CD101: variants seen among roughly 807,000 people sequenced by gnomAD.
CD101 encodes immunoglobulin superfamily member 2.
In CD101, 76 loss-of-function variants were observed where a neutral mutation model predicts 98.2. The ratio of observed to expected loss-of-function variants is 0.77; its 90% CI spans 0.64 to 0.94. CD101 has a LOEUF of 0.94. Among genes scored for constraint, CD101 ranks in the 40% least tolerant of loss-of-function variants. CD101 has a pLI of 0.00. For missense variants in CD101, 1,145 were observed against 1,218.8 expected (o/e 0.94, Z 0.90); for synonymous variants, 471 against 472.7 (o/e 1.00, Z 0.05).
At chr1:117,013,922 G>A in intron 4 of CD101, 130 bp downstream of exon 4, 1 of 1,076,184 alleles carries the variant, frequency 9.3e-7, no homozygotes, top group African/African-American at 1.6e-5. Context: ...ATTGGAGGTG[G>A]AGTGGAGTGG....
In CD101 at chr1:117,005,065, C is replaced by A. The variant is rs1652452770; in HGVS notation, c.43+3205C>A. On this transcript the variant is annotated intron_variant, in intron 1 of 9. Transcript: ENST00000682167. This position sits in a 1 kb window ranked among gnomAD's most constrained non-coding sequence, Gnocchi z 4.4. Reference sequence around the variant, plus strand: ...AGGGCATTAATCCCATTCATGAGAGCACAGCCCTCATGACCTAATTGCTTC... The same window carrying A: ...AGGGCATTAATCCCATTCATGAGAGAACAGCCCTCATGACCTAATTGCTTC... 6.6e-6 allele frequency among the ~76,000 whole-genome samples: 1 copy of A among 152,076 alleles called. No homozygotes were observed. The highest frequency in any genetic ancestry group is 2.4e-5 in the African/African-American group (1 of 41,388).
rs370564335 is a variant in CD101 at position 117,018,185 on chromosome 1, C to A, written c.1642C>A (p.Arg548Ser). ...ESSLQVSLMS[R>S]QPQVMLTNTF... ...AAGTTTACAAGTTAGTCTGATGAGC[C>A]GTCAGCCGCAAGTGATGTTAACCAA... The change falls in exon 6 of 10, where the codon CGT (arginine) becomes AGT (serine). Residue 548 changes from arginine to serine, a missense_variant. Coordinates refer to ENST00000682167, the MANE Select transcript of CD101 (RefSeq NM_001256106.3). The surrounding 1 kb of genome is among the most constrained non-coding windows in gnomAD (Gnocchi z 4.3). 2 of 1,604,526 alleles carry A rather than the reference C, an allele frequency of 1.2e-6. No homozygotes were observed. Among genetic ancestry groups the A allele is most frequent in the Non-Finnish European group, 1.7e-6 (2 of 1,174,036 alleles).
Position 117,006,043 on chromosome 1 carries a change from A to G in CD101, c.44-3807A>G, listed in dbSNP as rs562374864. ...CATGGTCTTCAAATTTAGTATTTCT[A>G]AAATTAAATGCATTATATTTTCACT... On this transcript the variant is annotated intron_variant, in intron 1 of 9. Transcript: ENST00000682167. The surrounding 1 kb of genome is among the most constrained non-coding windows in gnomAD (Gnocchi z 4.4). Among the ~76,000 whole-genome samples, 4 of 152,252 alleles carry G rather than the reference A, an allele frequency of 2.6e-5. No homozygotes were observed. The highest frequency in any genetic ancestry group is 6.5e-5 in the Admixed American group (1 of 15,288).
chr1:117,026,088 A>G, intron 8 of CD101, 184 bp downstream of exon 8: 1 of 596,238 alleles, frequency 1.7e-6, no homozygotes, highest in South Asian at 2.6e-5. Context: ...TTGAACAAAC[A>G]AGGTCCACAT....
At position 117,033,916 on chromosome 1, in the gene CD101, A is replaced by G; in HGVS notation, c.2881A>G (p.Ile961Val). The change falls in exon 9 of 10, where the codon ATC becomes GTC. Residue 961 changes from isoleucine to valine, a missense_variant. By Grantham distance (29) the Ile-to-Val change is conservative (BLOSUM62 3). Coordinates refer to ENST00000682167, the MANE Select transcript of CD101 (RefSeq NM_001256106.3). This position sits in a 1 kb window ranked among gnomAD's most constrained non-coding sequence, Gnocchi z 4.8. ...GGCCCCTTTACTCTATTTCCTGTTC[A>G]TCTGTCCCTTCGTCCTGCTCCTCCT... The part of the protein sequence containing the change: ...SSAPLLYFLF[I>V]CPFVLLLLLL... 6.2e-7 allele frequency: 1 copy of G among 1,613,926 alleles called. No individual in the cohort carries two copies.
intron 6 of CD101, among the ~76,000 whole-genome samples, chr1:117,020,010 C>T (rs1348139223): frequency 6.6e-6 from 1 of 152,068 alleles, no homozygotes; most frequent in East Asian, 1.9e-4. Flanking sequence ...ACTGGCAGCT[C>T]CTCAATTGTC....
rs187628448 is a variant in CD101, at chr1:117,006,269, C to A, written c.44-3581C>A. ...TCTCCACAGTAGCTCAGTTATAGTA[C>A]CTTTACTTTTATCCCTATTGCTTTT... On this transcript the variant is annotated intron_variant, in intron 1 of 9. Transcript: ENST00000682167. The surrounding 1 kb of genome is among the most constrained non-coding windows in gnomAD (Gnocchi z 4.4). Among the ~76,000 whole-genome samples the A allele has an allele frequency of 1.3e-5, 2 of 152,262 alleles. No individual in the cohort carries two copies. Among genetic ancestry groups the A allele is most frequent in the African/African-American group, 4.8e-5 (2 of 41,548 alleles).
chr1:117,018,196 A>G lies in CD101; in HGVS notation c.1653A>G (p.Gln551=), dbSNP rs3736908. 477,916 of 1,607,924 alleles carry G rather than the reference A, an allele frequency of 0.3. 78,479 individuals carry two copies. Among genetic ancestry groups the G allele is most frequent in the East Asian group, 0.57 (25,643 of 44,722 alleles). ...TTAGTCTGATGAGCCGTCAGCCGCA[A>G]GTGATGTTAACCAACACCTTTGACC... ...LQVSLMSRQP[Q]VMLTNTFDLS... Residue 551 remains glutamine, a synonymous_variant, in exon 6 of 10, where the codon CAA becomes CAG. Transcript: ENST00000682167. This position sits in a 1 kb window ranked among gnomAD's most constrained non-coding sequence, Gnocchi z 4.3.
intron 8 of CD101, among the ~76,000 whole-genome samples, chr1:117,029,656 G>A (rs1654319015): frequency 6.6e-6 from 1 of 152,230 alleles, no homozygotes. Context: ...CTGAATCACT[G>A]TGTAATTGCA....
Position 117,023,267 on chromosome 1 carries a change from C to T in CD101, c.2428+1284C>T, listed in dbSNP as rs749795734. Among the ~76,000 whole-genome samples, 1 of 152,200 alleles carries T rather than the reference C, an allele frequency of 6.6e-6. No homozygotes were observed. The highest frequency in any genetic ancestry group is 2.4e-5 in the African/African-American group (1 of 41,450). ...AAACTCTTGACCACATGTGCATGGCCGTCTTCAGGAGGCAGCCACTGCTTA... is the reference window on the plus strand; with the variant it reads ...AAACTCTTGACCACATGTGCATGGCTGTCTTCAGGAGGCAGCCACTGCTTA... On this transcript the variant is annotated intron_variant, in intron 7 of 9. Coordinates refer to ENST00000682167, the MANE Select transcript of CD101 (RefSeq NM_001256106.3). The surrounding 1 kb of genome is among the most constrained non-coding windows in gnomAD (Gnocchi z 4.4).
intron 9 of CD101, 90 bp downstream of exon 9, chr1:117,034,224 G>A (rs934390405): frequency 8.5e-7 from 1 of 1,176,964 alleles, no homozygotes; most frequent in Non-Finnish European, 1.2e-6. Context: ...AGTTACCTAG[G>A]AATCAGAGGG....
chr1:117,017,122 C>T lies in CD101; in HGVS notation c.1261C>T (p.Gln421Ter), dbSNP rs1232132354. Residue 421 changes from glutamine to a stop codon, truncating the protein, a stop_gained, in exon 5 of 10, where the codon CAG becomes TAG. Transcript: ENST00000682167. LOFTEE classifies it high-confidence loss of function. ...TGTGGTCATGTCTACCAAGAACAAGCAGCAAGTTGTGTGGGAAGGAGAGAC... is the reference window on the plus strand; with the variant it reads ...TGTGGTCATGTCTACCAAGAACAAGTAGCAAGTTGTGTGGGAAGGAGAGAC... ...RSVVMSTKNK[Q>*]QVVWEGETLA... 1.2e-6 allele frequency: 2 copies of T among 1,613,952 alleles called. No individual in the cohort carries two copies. The highest frequency in any genetic ancestry group is 1.7e-6 in the Non-Finnish European group (2 of 1,179,966).
At chr1:117,036,000 A>T (rs918989132) in intron 9 of CD101, among the ~76,000 whole-genome samples, 168 bp from the exon 10 acceptor site, 3 of 152,142 alleles carry the variant, frequency 2.0e-5, no homozygotes, top group Middle Eastern at 3.2e-3. Flanking sequence ...TCTTCACCCC[A>T]TCCCTCCTCT....
intron 7 of CD101, among the ~76,000 whole-genome samples, chr1:117,024,402 G>T (rs1003545666): frequency 6.6e-6 from 1 of 152,138 alleles, no homozygotes; most frequent in Admixed American, 6.5e-5. Context: ...GCTTGAACCC[G>T]GGAGGCAGAG....
intron 1 of CD101, among the ~76,000 whole-genome samples, chr1:117,002,757 G>C (rs890848047): frequency 6.6e-6 from 1 of 152,102 alleles, no homozygotes; most frequent in African/African-American, 2.4e-5. Flanking sequence ...AAATCTACAG[G>C]TAGGTCTTTT....
At chr1:117,031,964 GCTTC>G (rs1309260565) in intron 8 of CD101, 1 of 152,188 alleles carries the variant, frequency 6.6e-6, no homozygotes, top group Non-Finnish European at 1.5e-5. Flanking sequence ...TGCAGTCTAT[GCTTC>G]CTTCTAGCCA....
In CD101 at chr1:117,010,873, G is replaced by A. The variant is rs537636771; in HGVS notation, c.424+643G>A. Among the ~76,000 whole-genome samples the A allele has an allele frequency of 4.6e-4, 70 of 152,226 alleles. No homozygotes were observed. Among genetic ancestry groups the A allele is most frequent in the Non-Finnish European group, 9.4e-4 (64 of 68,014 alleles). On this transcript the variant is annotated intron_variant, in intron 2 of 9. Coordinates refer to ENST00000682167, the MANE Select transcript of CD101 (RefSeq NM_001256106.3). This position sits in a 1 kb window ranked among gnomAD's most constrained non-coding sequence, Gnocchi z 5.2. ...TACCACTGCTCTCAGCATGTATCCA[G>A]TTACATGGTAATTGGCTATTTGTAT...
At chr1:117,013,816 T>C (rs1446395882) in intron 4 of CD101, 24 bp downstream of exon 4, 2 of 1,580,800 alleles carry the variant, frequency 1.3e-6, no homozygotes, top group Admixed American at 3.6e-5. Flanking sequence ...AGGCCAGGCA[T>C]GCATTGGGCT....
At position 117,006,899 on chromosome 1, in the gene CD101, A is replaced by T. The variant is rs1467280318; in HGVS notation, c.44-2951A>T. Among the ~76,000 whole-genome samples, 3 of 152,194 alleles carry T rather than the reference A, an allele frequency of 2.0e-5. No individual in the cohort carries two copies. Among genetic ancestry groups the T allele is most frequent in the African/African-American group, 7.2e-5 (3 of 41,456 alleles). On this transcript the variant is annotated intron_variant, in intron 1 of 9. Transcript: ENST00000682167. This position sits in a 1 kb window ranked among gnomAD's most constrained non-coding sequence, Gnocchi z 4.4. ...ACTATAAGTGGTTGAATAAATATTTATTGAATTGGCAAATAAAGCAGTAGA... is the reference window on the plus strand; with the variant it reads ...ACTATAAGTGGTTGAATAAATATTTTTTGAATTGGCAAATAAAGCAGTAGA...
Sources: gnomAD v4.1 joint callset for allele counts (sites outside exome capture counted in the v4.1 genomes callset) on GRCh38, gnomAD v4.1.1 for gene constraint, Gnocchi (gnomAD v3.1) non-coding constraint, MANE v1.5 for transcripts, NCBI Gene and HGNC (gene_info 2026-07-23, HGNC 2026-07-21) for gene names.